Variants in HMBOX1 observed in about 807,000 individuals in gnomAD.
HMBOX1 encodes homeobox containing 1.
HMBOX1 carries 14 observed loss-of-function variants against 54.5 expected under a neutral mutation model. That is an observed-to-expected ratio of 0.26 (90% CI 0.17 to 0.40). The LOEUF (loss-of-function observed/expected upper bound fraction) is 0.40. Among genes scored for constraint, HMBOX1 ranks in the 10% least tolerant of loss-of-function variants. HMBOX1 has a pLI of 1.00. For missense variants in HMBOX1, 332 were observed against 514.4 expected (o/e 0.65, Z 3.43); for synonymous variants, 160 against 181.0 (o/e 0.88, Z 0.93).
At chr8:28,994,231 T>C (rs1378087749) in intron 4 of HMBOX1, among the ~76,000 whole-genome samples, 2 of 151,114 alleles carry the variant, frequency 1.3e-5, no homozygotes, top group African/African-American at 4.9e-5. Context: ...CTACCAGATA[T>C]TAAAATACAC....
chr8:28,912,565 TC>T (rs1227371954), intron 1 of HMBOX1, among the ~76,000 whole-genome samples: 2 of 152,232 alleles, frequency 1.3e-5, no homozygotes, highest in Non-Finnish European at 2.9e-5. Flanking sequence ...TGGACAAATT[TC>T]AGTTTTCTGG....
At chr8:28,965,112 C>T (rs911310250) in intron 2 of HMBOX1, among the ~76,000 whole-genome samples, 5 of 152,200 alleles carry the variant, frequency 3.3e-5, no homozygotes, top group Admixed American at 6.5e-5. Context: ...TGAATGTAAG[C>T]ATCATGAAGC....
chr8:28,956,339 A>G (rs1200751931), intron 1 of HMBOX1, among the ~76,000 whole-genome samples: 1 of 151,702 alleles, frequency 6.6e-6, no homozygotes, highest in East Asian at 1.9e-4. Context: ...TCTTCATAAT[A>G]GGAAATTTTT....
At chr8:28,907,368 A>G (rs1814536818) in intron 1 of HMBOX1, among the ~76,000 whole-genome samples, 1 of 152,186 alleles carries the variant, frequency 6.6e-6, no homozygotes, top group Non-Finnish European at 1.5e-5. Flanking sequence ...CATTTTCTCC[A>G]TTGTACTACC....
intron 1 of HMBOX1, among the ~76,000 whole-genome samples, chr8:28,933,529 A>T (rs1819859628): frequency 6.6e-6 from 1 of 152,254 alleles, no homozygotes; most frequent in Admixed American, 6.5e-5. Flanking sequence ...TGAAATCAAG[A>T]TCAATAAAAT....
chr8:29,012,905 A>T (rs1033638185), intron 5 of HMBOX1, among the ~76,000 whole-genome samples: 1 of 151,706 alleles, frequency 6.6e-6, no homozygotes, highest in Non-Finnish European at 1.5e-5. Context: ...TTATTTCATA[A>T]TTTTTTTTTC....
At chr8:28,906,106 C>G (rs1364635627) in intron 1 of HMBOX1, among the ~76,000 whole-genome samples, 2 of 152,176 alleles carry the variant, frequency 1.3e-5, no homozygotes. Context: ...CTAATGAATT[C>G]TCTAGTAACC....
chr8:28,898,708 G>A (rs1160760572), intron 1 of HMBOX1, among the ~76,000 whole-genome samples: 1 of 152,184 alleles, frequency 6.6e-6, no homozygotes, highest in African/African-American at 2.4e-5. Context: ...TGACTGGTAA[G>A]TGGATTTGAT....
chr8:29,043,866 TC>T (rs1453948696), intron 6 of HMBOX1, among the ~76,000 whole-genome samples: 1 of 152,136 alleles, frequency 6.6e-6, no homozygotes, highest in East Asian at 1.9e-4. Context: ...GGAAAAATCC[TC>T]CGTATGAACA....
intron 4 of HMBOX1, among the ~76,000 whole-genome samples, chr8:28,995,145 C>T (rs1011419204): frequency 6.6e-6 from 1 of 152,116 alleles, no homozygotes; most frequent in African/African-American, 2.4e-5. Context: ...AACCCATGCC[C>T]ATCAGCAGTA....
chr8:28,974,618 T>A (rs1828065315), intron 3 of HMBOX1, among the ~76,000 whole-genome samples: 1 of 152,218 alleles, frequency 6.6e-6, no homozygotes, highest in Non-Finnish European at 1.5e-5. Context: ...AGGATGTGCA[T>A]GTTCTGTAGA....
intron 1 of HMBOX1, among the ~76,000 whole-genome samples, chr8:28,900,267 A>ATATATATATAT (rs1243910972): frequency 0.015 from 839 of 54,160 alleles, no homozygotes; most frequent in Non-Finnish European, 0.023. Context: ...AAAAAAAAAA[A>ATATATATATAT]AAAAATATAT....
chr8:29,030,162 T>A (rs1802706914), intron 6 of HMBOX1, among the ~76,000 whole-genome samples: 1 of 149,644 alleles, frequency 6.7e-6, no homozygotes. Context: ...ATTTTCTGAA[T>A]AAAGTATTAG....
At chr8:29,009,291 C>A in intron 5 of HMBOX1, 109 bp downstream of exon 5, 2 of 1,076,212 alleles carry the variant, frequency 1.9e-6, no homozygotes, top group Non-Finnish European at 1.3e-6. Flanking sequence ...TCATACTTTA[C>A]TATGGTTGCT....
At chr8:28,961,906 TTTTTTTC>T (rs1586120089) in intron 1 of HMBOX1, among the ~76,000 whole-genome samples, 1 of 134,766 alleles carries the variant, frequency 7.4e-6, no homozygotes, top group Non-Finnish European at 1.6e-5. Context: ...TTTTTTTTTT[TTTTTTTC>T]TTTTTTCTTT....
In HMBOX1 at chr8:29,001,967, G is replaced by A. The variant is rs904136307; in HGVS notation, c.587-7105G>A. 1.3e-5 allele frequency among the ~76,000 whole-genome samples: 2 copies of A among 152,206 alleles called. 1 individual carries two copies. Among genetic ancestry groups the A allele is most frequent in the Admixed American group, 1.3e-4 (2 of 15,282 alleles). On this transcript the variant is annotated intron_variant, in intron 4 of 9. Transcript: ENST00000287701. ...TGCAAAGGCTGGAATGTGGAGATGG[G>A]GGAACTAGAGTGTAAGGATGTGTCT...
At chr8:28,919,817 C>A (rs138097963) in intron 1 of HMBOX1, among the ~76,000 whole-genome samples, 2 of 152,082 alleles carry the variant, frequency 1.3e-5, no homozygotes, top group Non-Finnish European at 2.9e-5. Context: ...ATGACCTAAG[C>A]AAGAACAAGC....
intron 1 of HMBOX1, among the ~76,000 whole-genome samples, chr8:28,937,476 TAA>T (rs1001503673): frequency 2.0e-5 from 3 of 152,148 alleles, no homozygotes; most frequent in African/African-American, 7.2e-5. Flanking sequence ...GTTCTTCCAT[TAA>T]AAAAAGTCCT....
chr8:28,967,477 T>C (rs1203570151), intron 2 of HMBOX1, among the ~76,000 whole-genome samples: 3 of 152,218 alleles, frequency 2.0e-5, no homozygotes, highest in African/African-American at 7.2e-5. Flanking sequence ...TTACTTTTGC[T>C]TTATGCTAAT....
Sources: allele counts gnomAD v4.1 joint callset (sites outside exome capture counted in the v4.1 genomes callset), GRCh38; gene constraint gnomAD v4.1.1; transcripts MANE v1.5; gene names NCBI Gene and HGNC (gene_info 2026-07-23, HGNC 2026-07-21).